The following CARMIL1 variants were observed in gnomAD, a reference collection of about 807,000 sequenced individuals.
CARMIL1 encodes F-actin-uncapping protein LRRC16A.
A neutral mutation model predicts 177.1 loss-of-function variants in CARMIL1; 90 were observed. The observed-to-expected ratio is 0.51, with a 90% CI of 0.43 to 0.61. CARMIL1 has a LOEUF of 0.61. CARMIL1 is among the 20% of genes least tolerant of loss of function. CARMIL1 has a pLI of 0.00. For synonymous variants in CARMIL1, 577 were observed against 606.2 expected, an observed-to-expected ratio of 0.95 and a Z score of 0.71; for missense variants, 1,380 against 1,667.0, an observed-to-expected ratio of 0.83 and a Z score of 3.00.
At chr6:25,308,874 T>C (rs1233818510) in intron 2 of CARMIL1, among the ~76,000 whole-genome samples, 1 of 152,212 alleles carries the variant, frequency 6.6e-6, no homozygotes, top group Non-Finnish European at 1.5e-5. Context: ...TTTACATGAC[T>C]GAGAAAGCCC....
At chr6:25,350,256 A>G (rs540528355) in intron 2 of CARMIL1, among the ~76,000 whole-genome samples, 4 of 152,178 alleles carry the variant, frequency 2.6e-5, no homozygotes, top group South Asian at 4.2e-4. Context: ...GTGTCCCTCA[A>G]ATACTAGAGT....
chr6:25,508,059 A>G (rs940578791), intron 17 of CARMIL1, among the ~76,000 whole-genome samples: 3 of 152,182 alleles, frequency 2.0e-5, no homozygotes, highest in African/African-American at 7.2e-5. Flanking sequence ...CAACAGACCT[A>G]AAATTTTTAC....
chr6:25,544,054 G>T (rs1431719154), intron 26 of CARMIL1, among the ~76,000 whole-genome samples: 2 of 152,102 alleles, frequency 1.3e-5, no homozygotes, highest in Non-Finnish European at 2.9e-5. Context: ...ATTGCAAGTT[G>T]TCTGAAGGTA....
intron 2 of CARMIL1, among the ~76,000 whole-genome samples, chr6:25,356,678 G>A (rs1483788237): frequency 1.3e-5 from 2 of 152,224 alleles, no homozygotes; most frequent in Non-Finnish European, 2.9e-5. Context: ...CCCTCTGGCA[G>A]CCAAGTTCTT....
intron 2 of CARMIL1, among the ~76,000 whole-genome samples, chr6:25,366,161 T>TA (rs112844891): frequency 0.085 from 12,183 of 144,128 alleles, 484 homozygotes; most frequent in East Asian, 0.15. Context: ...CCTGGCTAAT[T>TA]AAAAAAAAAA....
At chr6:25,321,599 G>T (rs1264258294) in intron 2 of CARMIL1, among the ~76,000 whole-genome samples, 1 of 152,006 alleles carries the variant, frequency 6.6e-6, no homozygotes, top group Non-Finnish European at 1.5e-5. Context: ...TGAATATTCA[G>T]TACTGTTTTA....
At chr6:25,545,252 A>G (rs376471660) in intron 26 of CARMIL1, among the ~76,000 whole-genome samples, 1 of 152,220 alleles carries the variant, frequency 6.6e-6, no homozygotes, top group Non-Finnish European at 1.5e-5. Context: ...TGGGCAGGTA[A>G]CAGTGATCCT....
chr6:25,443,408 C>T (rs1434446953), intron 5 of CARMIL1, among the ~76,000 whole-genome samples: 3 of 152,110 alleles, frequency 2.0e-5, no homozygotes, highest in Admixed American at 6.6e-5. Flanking sequence ...ATTACAGGTT[C>T]CTTTGGGTAA....
chr6:25,589,882 T>C (rs1365096225), intron 31 of CARMIL1, among the ~76,000 whole-genome samples: 1 of 152,212 alleles, frequency 6.6e-6, no homozygotes, highest in East Asian at 1.9e-4. Flanking sequence ...GTGACTGGTA[T>C]TGATCTTATT....
intron 24 of CARMIL1, among the ~76,000 whole-genome samples, chr6:25,531,492 TCTC>T (rs1807761360): frequency 1.3e-5 from 2 of 152,188 alleles, no homozygotes. Context: ...TTTATTCTCT[TCTC>T]AGTATGGTTT....
chr6:25,611,306 C>T (rs1172089040), intron 36 of CARMIL1, among the ~76,000 whole-genome samples: 1 of 152,184 alleles, frequency 6.6e-6, no homozygotes, highest in East Asian at 1.9e-4. Context: ...GAAACTAAAG[C>T]TTTTGAAAAG....
chr6:25,573,555 G>A (rs919242313), intron 29 of CARMIL1, among the ~76,000 whole-genome samples: 1 of 109,686 alleles, frequency 9.1e-6, no homozygotes, highest in Non-Finnish European at 1.8e-5. Flanking sequence ...CCAGTTTTTT[G>A]CCAGCAATAA....
intron 5 of CARMIL1, among the ~76,000 whole-genome samples, chr6:25,448,063 T>A (rs1398039661): frequency 6.6e-6 from 1 of 152,110 alleles, no homozygotes; most frequent in Non-Finnish European, 1.5e-5. Flanking sequence ...CCACCAAGAA[T>A]CCATGATCTT....
At chr6:25,609,067 A>T (rs1003319031) in intron 35 of CARMIL1, among the ~76,000 whole-genome samples, 1 of 152,148 alleles carries the variant, frequency 6.6e-6, no homozygotes, top group Non-Finnish European at 1.5e-5. Context: ...GCTGCATTCA[A>T]ATCCATCCTG....
intron 2 of CARMIL1, among the ~76,000 whole-genome samples, chr6:25,387,460 A>G (rs10946768): frequency 6.6e-6 from 1 of 152,178 alleles, no homozygotes; most frequent in African/African-American, 2.4e-5. Context: ...AAACATTAAC[A>G]TAAGTTGTTC....
intron 2 of CARMIL1, among the ~76,000 whole-genome samples, chr6:25,308,961 G>A (rs762696415): frequency 1.3e-5 from 2 of 152,164 alleles, no homozygotes; most frequent in African/African-American, 2.4e-5. Context: ...TGAGCCTTGT[G>A]CTAGAAGCCA....
At chr6:25,466,801 A>G (rs889326576) in intron 9 of CARMIL1, among the ~76,000 whole-genome samples, 2 of 152,178 alleles carry the variant, frequency 1.3e-5, no homozygotes, top group African/African-American at 4.8e-5. Context: ...CTAAAACATT[A>G]TAAGTATGAA....
intron 2 of CARMIL1, among the ~76,000 whole-genome samples, chr6:25,410,058 G>A (rs1219380067): frequency 1.3e-5 from 2 of 151,810 alleles, no homozygotes; most frequent in African/African-American, 2.4e-5. Context: ...TATATGTAAT[G>A]GTGTTAAATC....
intron 2 of CARMIL1, among the ~76,000 whole-genome samples, chr6:25,337,777 A>G (rs1402796391): frequency 2.0e-5 from 3 of 152,268 alleles, no homozygotes; most frequent in Non-Finnish European, 4.4e-5. Context: ...ACAAAGAATC[A>G]TGTTTGGTCA....
Sources: allele counts gnomAD v4.1 joint callset (sites outside exome capture counted in the v4.1 genomes callset), GRCh38; gene constraint gnomAD v4.1.1; transcripts MANE v1.5; gene names NCBI Gene and HGNC (gene_info 2026-07-23, HGNC 2026-07-21).